Variants in GRXCR1 observed in about 807,000 individuals in gnomAD.
GRXCR1 encodes the protein glutaredoxin domain-containing cysteine-rich protein 1.
GRXCR1 carries 27 observed loss-of-function variants against 27.3 expected under a neutral mutation model. The observed-to-expected ratio is 0.99, with a 90% CI of 0.73 to 1.37. GRXCR1 has a LOEUF of 1.37. GRXCR1 is among the 40% of genes most tolerant of loss of function. The pLI, the probability that GRXCR1 is intolerant of heterozygous loss-of-function variation, is 0.00. For synonymous variants in GRXCR1, 122 were observed against 131.1 expected, an observed-to-expected ratio of 0.93 and a Z score of 0.47; for missense variants, 379 against 354.4, an observed-to-expected ratio of 1.07 and a Z score of -0.56.
At chr4:43,021,188 G>A (rs1199490234) in intron 3 of GRXCR1, among the ~76,000 whole-genome samples, 1 of 152,038 alleles carries the variant, frequency 6.6e-6, no homozygotes, top group African/African-American at 2.4e-5. Flanking sequence ...TTCCACTCTA[G>A]ATAAAAGAAA....
intron 2 of GRXCR1, among the ~76,000 whole-genome samples, chr4:42,981,894 A>G (rs899628604): frequency 8.6e-5 from 13 of 151,962 alleles, no homozygotes; most frequent in African/African-American, 2.9e-4. Flanking sequence ...TGATTATATT[A>G]TGTTTTGGAA....
chr4:42,985,815 T>C (rs1711698124), intron 2 of GRXCR1, among the ~76,000 whole-genome samples: 1 of 152,154 alleles, frequency 6.6e-6, no homozygotes, highest in Non-Finnish European at 1.5e-5. Flanking sequence ...TTAAAACAAA[T>C]ACAATAACTA....
intron 1 of GRXCR1, among the ~76,000 whole-genome samples, chr4:42,932,603 TATATATATATATATATAGAGAGAG>T (rs1287412265): frequency 8.9e-4 from 53 of 59,342 alleles, no homozygotes; most frequent in Middle Eastern, 0.01. Flanking sequence ...TATATATATA[TATATATATATATATATAGAGAGAG>T]AGAGAGAGAG....
At chr4:42,914,893 T>C (rs1746850462) in intron 1 of GRXCR1, among the ~76,000 whole-genome samples, 1 of 152,150 alleles carries the variant, frequency 6.6e-6, no homozygotes, top group Admixed American at 6.5e-5. Flanking sequence ...CTGATGGTTT[T>C]ATAAGGGGCT....
At chr4:42,933,635 A>T (rs759104136) in intron 1 of GRXCR1, among the ~76,000 whole-genome samples, 1 of 151,922 alleles carries the variant, frequency 6.6e-6, no homozygotes, top group Admixed American at 6.6e-5. Context: ...GGTCATGAGC[A>T]TGGAGCCCTC....
At chr4:42,947,584 G>C (rs1445773523) in intron 1 of GRXCR1, among the ~76,000 whole-genome samples, 1 of 152,064 alleles carries the variant, frequency 6.6e-6, no homozygotes, top group Non-Finnish European at 1.5e-5. Flanking sequence ...CACTTAATGA[G>C]ACTTATTATT....
At chr4:42,968,494 TC>T (rs1368338463) in intron 2 of GRXCR1, among the ~76,000 whole-genome samples, 1 of 152,018 alleles carries the variant, frequency 6.6e-6, no homozygotes, top group Non-Finnish European at 1.5e-5. Context: ...GAAACTTAAA[TC>T]TTTAAAATCT....
chr4:42,899,975 G>A (rs1746427084), intron 1 of GRXCR1, among the ~76,000 whole-genome samples: 1 of 152,128 alleles, frequency 6.6e-6, no homozygotes, highest in East Asian at 1.9e-4. Flanking sequence ...GGTGGCCCAT[G>A]ATTACCACAT....
intron 1 of GRXCR1, among the ~76,000 whole-genome samples, chr4:42,950,861 A>G (rs951633617): frequency 6.6e-6 from 1 of 152,172 alleles, no homozygotes; most frequent in Non-Finnish European, 1.5e-5. Context: ...CTATATTTGT[A>G]TAATATCTAT....
intron 2 of GRXCR1, among the ~76,000 whole-genome samples, chr4:42,965,787 A>G (rs1332187164): frequency 6.6e-6 from 1 of 152,052 alleles, no homozygotes; most frequent in Admixed American, 6.6e-5. Flanking sequence ...ACAGAGGCAG[A>G]AAGTGAGGCA....
At chr4:42,987,675 T>A (rs1560677202) in intron 2 of GRXCR1, among the ~76,000 whole-genome samples, 1 of 152,174 alleles carries the variant, frequency 6.6e-6, no homozygotes, top group South Asian at 2.1e-4. Flanking sequence ...ACCTTTGCTA[T>A]ACCTGACATA....
At chr4:43,015,819 G>T in intron 2 of GRXCR1, among the ~76,000 whole-genome samples, 1 of 151,332 alleles carries the variant, frequency 6.6e-6, no homozygotes, top group Non-Finnish European at 1.5e-5. Context: ...ATAAATATAT[G>T]TGTATATATA....
At chr4:42,932,617 TATAGAGAGAGAGAG>T (rs1412942073) in intron 1 of GRXCR1, among the ~76,000 whole-genome samples, 10 of 29,134 alleles carry the variant, frequency 3.4e-4, no homozygotes, top group East Asian at 1.1e-3. Flanking sequence ...TATATATATA[TATAGAGAGAGAGAG>T]AGAGAGAGAG....
intron 1 of GRXCR1, among the ~76,000 whole-genome samples, chr4:42,939,335 A>AT (rs35513299): frequency 0.2 from 30,027 of 151,914 alleles, 3,120 homozygotes; most frequent in African/African-American, 0.25. Flanking sequence ...AATAATATGA[A>AT]TTTTGTACGT....
At chr4:42,905,471 A>G (rs1301811946) in intron 1 of GRXCR1, among the ~76,000 whole-genome samples, 1 of 152,212 alleles carries the variant, frequency 6.6e-6, no homozygotes, top group Non-Finnish European at 1.5e-5. Context: ...ACTGCTAGAC[A>G]TGGCTGAAAT....
intron 2 of GRXCR1, 97 bp downstream of exon 2, chr4:42,963,231 C>T (rs576026870): frequency 2.1e-6 from 3 of 1,422,112 alleles, no homozygotes; most frequent in Non-Finnish European, 3.0e-6. Flanking sequence ...ACTACTGGAA[C>T]ACTTGCTGGT....
intron 1 of GRXCR1, among the ~76,000 whole-genome samples, chr4:42,916,535 T>C (rs182833172): frequency 3.9e-5 from 6 of 152,326 alleles, no homozygotes; most frequent in Admixed American, 3.9e-4. Context: ...AATTTGGATT[T>C]ATCTGATATT....
intron 2 of GRXCR1, among the ~76,000 whole-genome samples, chr4:42,975,308 G>A (rs1297109938): frequency 1.3e-5 from 2 of 152,052 alleles, no homozygotes; most frequent in African/African-American, 4.8e-5. Context: ...GCAATTTATT[G>A]TCACCTCCTG....
chr4:42,968,341 T>A (rs1231957348), intron 2 of GRXCR1, among the ~76,000 whole-genome samples: 1 of 152,114 alleles, frequency 6.6e-6, no homozygotes, highest in Non-Finnish European at 1.5e-5. Flanking sequence ...TTATTGTTTA[T>A]CAAAATAAAA....
Sources: gnomAD v4.1 joint callset for allele counts (sites outside exome capture counted in the v4.1 genomes callset) on GRCh38, gnomAD v4.1.1 for gene constraint, MANE v1.5 for transcripts, NCBI Gene and HGNC (gene_info 2026-07-23, HGNC 2026-07-21) for gene names.